Variants in RBPMS observed in about 807,000 individuals in gnomAD.
RBPMS encodes RNA binding protein, mRNA processing factor.
A neutral mutation model predicts 26.8 loss-of-function variants in RBPMS; 7 were observed. The observed-to-expected ratio is 0.26, with a 90% confidence interval of 0.15 to 0.49. The LOEUF is 0.49. Ranked by LOEUF, RBPMS falls within the 20% of genes least tolerant of loss-of-function variation. The pLI, the probability that RBPMS is intolerant of heterozygous loss-of-function variation, is 0.98. For synonymous variants in RBPMS, 96 were observed against 93.3 expected, an observed-to-expected ratio of 1.03 and a Z score of -0.17; for missense variants, 186 against 250.0, an observed-to-expected ratio of 0.74 and a Z score of 1.73.
intron 1 of RBPMS, among the ~76,000 whole-genome samples, chr8:30,465,650 G>A (rs1271877120): frequency 6.6e-6 from 1 of 152,182 alleles, no homozygotes; most frequent in Non-Finnish European, 1.5e-5. Flanking sequence ...AGCCAGGTGT[G>A]ATGGCAGGCG....
At chr8:30,530,350 A>G (rs2151009737) in intron 5 of RBPMS, among the ~76,000 whole-genome samples, 1 of 152,364 alleles carries the variant, frequency 6.6e-6, no homozygotes, top group East Asian at 1.9e-4. Flanking sequence ...TAGTTGTGGG[A>G]CGTGGGTCAA....
At chr8:30,446,848 C>CGT (rs1259255960) in intron 1 of RBPMS, 14 of 130,970 alleles carry the variant, frequency 1.1e-4, no homozygotes, top group Middle Eastern at 3.7e-3. Context: ...TGTGTGCGCG[C>CGT]GCGCGCGCGC....
In RBPMS at chr8:30,477,651, A is replaced by G. The variant is rs1452017689; in HGVS notation, c.145-148A>G. On this transcript the variant is annotated intron_variant, in intron 2 of 8. Coordinates refer to ENST00000397323, the MANE Select transcript of RBPMS (RefSeq NM_001008710.3). The stretch of plus-strand genomic sequence containing the variant: ...GGTGTGTGTGTGTGTGTGCACATGC[A>G]CATGCATGTGTGTAATTTGCTTTCC... The G allele has an allele frequency of 1.0e-5, 6 of 584,616 alleles. No homozygotes were observed. In the African/African-American group the frequency reaches 1.1e-4, roughly 11 times the overall value. The allele number at this position is 584,616 out of a possible 1,614,324, so 36.2% of individuals were successfully genotyped here. A position where few individuals can be genotyped will look rare whatever the true frequency, so the allele number is the denominator to read the frequency against.
intron 1 of RBPMS, among the ~76,000 whole-genome samples, chr8:30,447,748 A>C (rs964554180): frequency 6.6e-6 from 1 of 152,220 alleles, no homozygotes; most frequent in African/African-American, 2.4e-5. Flanking sequence ...GTGTCTATAC[A>C]AAATTGTATC....
intron 1 of RBPMS, among the ~76,000 whole-genome samples, chr8:30,421,850 G>A (rs1212194517): frequency 6.6e-6 from 1 of 152,002 alleles, no homozygotes; most frequent in African/African-American, 2.4e-5. Context: ...AGCTACTCGG[G>A]AGGCTGAGGC....
intron 3 of RBPMS, among the ~76,000 whole-genome samples, chr8:30,479,094 C>T (rs1818007175): frequency 6.6e-6 from 1 of 152,164 alleles, no homozygotes; most frequent in Non-Finnish European, 1.5e-5. Flanking sequence ...TCTAAATCCC[C>T]AGCTGTGCTC....
At chr8:30,430,009 G>A (rs1344737441) in intron 1 of RBPMS, among the ~76,000 whole-genome samples, 1 of 152,174 alleles carries the variant, frequency 6.6e-6, no homozygotes. Context: ...CGGCGCAGGG[G>A]CTCATGCCTG....
chr8:30,467,223 C>A (rs1372377787), intron 1 of RBPMS, among the ~76,000 whole-genome samples: 3 of 152,328 alleles, frequency 2.0e-5, no homozygotes, highest in East Asian at 3.9e-4. Context: ...ACAAAGCCTT[C>A]TTTGGAAATG....
At chr8:30,473,700 T>G (rs1817383138) in intron 1 of RBPMS, among the ~76,000 whole-genome samples, 1 of 152,150 alleles carries the variant, frequency 6.6e-6, no homozygotes, top group Non-Finnish European at 1.5e-5. Context: ...AACCCAAATG[T>G]CCATCAATGA....
intron 2 of RBPMS, among the ~76,000 whole-genome samples, chr8:30,476,696 G>A (rs898462323): frequency 6.6e-6 from 1 of 152,146 alleles, no homozygotes; most frequent in African/African-American, 2.4e-5. Context: ...CTGCAAATCT[G>A]TCTCTGCGCT....
intron 3 of RBPMS, among the ~76,000 whole-genome samples, chr8:30,479,011 A>T (rs749299606): frequency 6.6e-6 from 1 of 152,236 alleles, no homozygotes; most frequent in Non-Finnish European, 1.5e-5. Flanking sequence ...GAGCCTCTCC[A>T]ACCCAAGTTT....
At chr8:30,522,272 TA>T (rs570609747) in intron 5 of RBPMS, among the ~76,000 whole-genome samples, 1,709 of 135,986 alleles carry the variant, frequency 0.013, 13 homozygotes, top group African/African-American at 0.026. Context: ...CATCTCTATT[TA>T]AAAAAAAAAA....
intron 1 of RBPMS, among the ~76,000 whole-genome samples, chr8:30,459,266 T>A (rs1372126219): frequency 6.6e-6 from 1 of 151,908 alleles, no homozygotes. Flanking sequence ...CCAGTGGTTT[T>A]TTTTGGTTTT....
rs1446398450 is a variant in RBPMS at position 30,427,122 on chromosome 8, G to A, written c.66+41964G>A. Among the ~76,000 whole-genome samples the A allele has an allele frequency of 2.0e-5, 3 of 152,142 alleles. No individual in the cohort carries two copies. The East Asian group carries it at 5.8e-4, about 29-fold the overall frequency. On this transcript the variant is annotated intron_variant, in intron 1 of 8. Transcript: ENST00000397323. ...CCCTTCTGTGTGCCGTCCTCAGCCTGGGCCTCGTGGCTCTAAAATTAAGCT... is the reference window on the plus strand; with the variant it reads ...CCCTTCTGTGTGCCGTCCTCAGCCTAGGCCTCGTGGCTCTAAAATTAAGCT...
rs5890522 is a variant in RBPMS at position 30,449,369 on chromosome 8, C to CTTTTTTT, written c.67-25395_67-25389dup. Among the ~76,000 whole-genome samples the CTTTTTTT allele has an allele frequency of 2.5e-3, 261 of 106,462 alleles. 3 individuals are homozygous for CTTTTTTT. The highest frequency in any genetic ancestry group is 9.6e-3 in the African/African-American group (241 of 25,116). The allele number at this position is 106,462 out of a possible 152,430, so 69.8% of individuals were successfully genotyped here. A position where few individuals can be genotyped will look rare whatever the true frequency, so the allele number is the denominator to read the frequency against. On this transcript the variant is annotated intron_variant, in intron 1 of 8. Coordinates refer to ENST00000397323, the MANE Select transcript of RBPMS (RefSeq NM_001008710.3). ...TTGGATCCTTTTCCTCACATCTCCT[C>CTTTTTTT]TTTTTTTTTTTTTTTTTTTTTGAGA...
intron 5 of RBPMS, among the ~76,000 whole-genome samples, chr8:30,510,077 G>C (rs574685092): frequency 1.1e-3 from 167 of 152,306 alleles, no homozygotes; most frequent in Middle Eastern, 3.4e-3. Context: ...AAGTGGCTCA[G>C]TAGGGCCGAA....
chr8:30,491,365 G>C (rs1344221002), intron 4 of RBPMS, among the ~76,000 whole-genome samples: 2 of 152,030 alleles, frequency 1.3e-5, no homozygotes, highest in East Asian at 3.9e-4. Context: ...TTTGGGGGAG[G>C]GGGAAGAAAA....
chr8:30,434,532 C>T (rs1327325214), intron 1 of RBPMS, among the ~76,000 whole-genome samples: 1 of 151,796 alleles, frequency 6.6e-6, no homozygotes, highest in Non-Finnish European at 1.5e-5. Flanking sequence ...GGAGAAAACT[C>T]GTCTCCACTC....
intron 4 of RBPMS, among the ~76,000 whole-genome samples, chr8:30,483,307 G>A (rs1399861823): frequency 6.6e-6 from 1 of 152,174 alleles, no homozygotes; most frequent in Non-Finnish European, 1.5e-5. Context: ...ATTTTGGATA[G>A]TTGTTATTAG....
Sources: gnomAD v4.1 joint callset for allele counts (sites outside exome capture counted in the v4.1 genomes callset) on GRCh38, gnomAD v4.1.1 for gene constraint, MANE v1.5 for transcripts, NCBI Gene and HGNC (gene_info 2026-07-23, HGNC 2026-07-21) for gene names.